TTC23: variants seen among roughly 807,000 people sequenced by gnomAD.
The protein encoded by TTC23 is tetratricopeptide repeat protein 23.
A neutral mutation model predicts 55.1 loss-of-function variants in TTC23; 58 were observed. The ratio of observed to expected loss-of-function variants is 1.05; its 90% CI spans 0.85 to 1.31. TTC23 has a LOEUF of 1.31. Ranked by LOEUF, TTC23 falls within the 50% of genes most tolerant of loss-of-function variation. The pLI is 0.00. For synonymous variants in TTC23, 203 were observed against 199.9 expected, an observed-to-expected ratio of 1.02 and a Z score of -0.13; for missense variants, 516 against 534.4, an observed-to-expected ratio of 0.97 and a Z score of 0.34.
chr15:99,196,432 GT>G (rs1304377963), intron 9 of TTC23, among the ~76,000 whole-genome samples: 1 of 152,086 alleles, frequency 6.6e-6, no homozygotes, highest in Non-Finnish European at 1.5e-5. Context: ...ACTACAAAAG[GT>G]TTTTGTATAA....
intron 9 of TTC23, among the ~76,000 whole-genome samples, chr15:99,180,397 C>T (rs2074003866): frequency 6.6e-6 from 1 of 151,742 alleles, no homozygotes; most frequent in African/African-American, 2.4e-5. Flanking sequence ...CAACCCCTGC[C>T]AAGGCACAGA....
At chr15:99,233,064 AT>A (rs1467194042) in intron 4 of TTC23, among the ~76,000 whole-genome samples, 2 of 152,232 alleles carry the variant, frequency 1.3e-5, no homozygotes, top group African/African-American at 2.4e-5. Flanking sequence ...GGTCTCATTC[AT>A]ATGTACAATC....
Position 99,182,285 on chromosome 15 carries a change from C to T in TTC23, c.760-7130G>A, listed in dbSNP as rs2074223629. Among the ~76,000 whole-genome samples, 3 of 149,980 alleles carry T rather than the reference C, an allele frequency of 2.0e-5. No homozygotes were observed. The South Asian group carries it at 6.3e-4, about 31-fold the overall frequency. ...ACACACACACACACACACACACACA[C>T]ACACATAATCATAACCCAGCCACGT... On this transcript the variant is annotated intron_variant, in intron 9 of 13. Coordinates refer to ENST00000394132, the MANE Select transcript of TTC23 (RefSeq NM_001288615.3).
In TTC23 at chr15:99,218,652, A is replaced by T. The variant is rs139126638; in HGVS notation, c.517T>A (p.Cys173Ser). 1.9e-4 allele frequency: 303 copies of T among 1,614,158 alleles called. No individual in the cohort carries two copies. The African/African-American group carries it at 3.4e-3, about 18-fold the overall frequency. ...AERLSKELLQ[C>S]GRIIKEEWIE... is the part of the protein sequence containing the mutation. ...CATTCTTCCTTTATAATTCTTCCACATTGTAGCAGCTCCTTTGAAAGTCTC... is the reference window on the plus strand; with the variant it reads ...CATTCTTCCTTTATAATTCTTCCACTTTGTAGCAGCTCCTTTGAAAGTCTC... Residue 173 changes from cysteine (C) to serine (S), a missense_variant, in exon 8 of 14, where the codon TGT becomes AGT. Physicochemically the swap from Cys to Ser is moderately radical, Grantham distance 112. Coordinates refer to ENST00000394132, the MANE Select transcript of TTC23 (RefSeq NM_001288615.3).
intron 5 of TTC23, among the ~76,000 whole-genome samples, chr15:99,222,898 G>A (rs1454956618): frequency 6.6e-6 from 1 of 152,200 alleles, no homozygotes; most frequent in East Asian, 1.9e-4. Flanking sequence ...TCGGGAGGCT[G>A]GGGCAGGAGA....
intron 8 of TTC23, among the ~76,000 whole-genome samples, chr15:99,212,609 T>C (rs1319470437): frequency 6.6e-6 from 1 of 152,134 alleles, no homozygotes; most frequent in African/African-American, 2.4e-5. Flanking sequence ...GGCACTTATC[T>C]GTCAGCCCAG....
chr15:99,156,734 A>G (rs983328741), intron 11 of TTC23, among the ~76,000 whole-genome samples: 1 of 152,240 alleles, frequency 6.6e-6, no homozygotes, highest in Non-Finnish European at 1.5e-5. Flanking sequence ...TATAGGAACT[A>G]TAATTCAAGA....
At chr15:99,179,938 T>C (rs371842739) in intron 9 of TTC23, among the ~76,000 whole-genome samples, 5 of 152,212 alleles carry the variant, frequency 3.3e-5, no homozygotes, top group African/African-American at 7.2e-5. Context: ...AACTCAACCA[T>C]TGTTCACAAT....
chr15:99,207,572 C>T (rs569140816), intron 8 of TTC23, among the ~76,000 whole-genome samples: 3 of 152,198 alleles, frequency 2.0e-5, no homozygotes, highest in Admixed American at 1.3e-4. Context: ...CCAGCCTGGC[C>T]ACGGTGAAAC....
chr15:99,144,737 T>C (rs1375052504), intron 12 of TTC23: 3 of 152,214 alleles, frequency 2.0e-5, no homozygotes, highest in Non-Finnish European at 4.4e-5. Flanking sequence ...AAGCTATTAC[T>C]TGTATTTTGT....
intron 9 of TTC23, among the ~76,000 whole-genome samples, chr15:99,198,974 T>C (rs552144968): frequency 1.3e-5 from 2 of 152,316 alleles, no homozygotes; most frequent in South Asian, 4.1e-4. Context: ...CTCACTATTA[T>C]GGTTAATTTT....
At chr15:99,238,930 A>C (rs775589992) in intron 3 of TTC23, among the ~76,000 whole-genome samples, 2 of 152,288 alleles carry the variant, frequency 1.3e-5, no homozygotes, top group South Asian at 4.1e-4. Flanking sequence ...CACCTATTAA[A>C]TCTTATGGAA....
At chr15:99,139,082 G>T in intron 13 of TTC23, 1 of 595,814 alleles carries the variant, frequency 1.7e-6, no homozygotes, top group Non-Finnish European at 3.0e-6. Context: ...TGGTCTGCAG[G>T]AAGACAACAT....
At chr15:99,149,584 G>A (rs538046585) in intron 12 of TTC23, among the ~76,000 whole-genome samples, 2 of 152,344 alleles carry the variant, frequency 1.3e-5, no homozygotes, top group African/African-American at 4.8e-5. Context: ...CAGAGACTCT[G>A]GTTCAGAAGG....
chr15:99,150,918 T>C (rs1670216), intron 12 of TTC23, among the ~76,000 whole-genome samples: 116,783 of 152,134 alleles, frequency 0.77, 44,973 homozygotes, highest in Middle Eastern at 0.83. Flanking sequence ...CTTTGCTGTC[T>C]TGCCTCTGAG....
At chr15:99,207,837 C>T (rs1435415605) in intron 8 of TTC23, among the ~76,000 whole-genome samples, 1 of 152,130 alleles carries the variant, frequency 6.6e-6, no homozygotes, top group East Asian at 1.9e-4. Context: ...CCTGAGGACG[C>T]TGAATAACAA....
chr15:99,214,893 T>C (rs1406168685), intron 8 of TTC23, among the ~76,000 whole-genome samples: 3 of 142,080 alleles, frequency 2.1e-5, no homozygotes, highest in Admixed American at 7.2e-5. Context: ...TTCTCTCTTG[T>C]TGCCCAGGCT....
At chr15:99,202,582 G>A (rs559952435) in intron 8 of TTC23, among the ~76,000 whole-genome samples, 1 of 152,176 alleles carries the variant, frequency 6.6e-6, no homozygotes, top group African/African-American at 2.4e-5. Context: ...GTGTTTGGGG[G>A]TTTGTTAATA....
At chr15:99,223,489 G>A (rs1474811882) in intron 5 of TTC23, among the ~76,000 whole-genome samples, 1 of 152,162 alleles carries the variant, frequency 6.6e-6, no homozygotes, top group Non-Finnish European at 1.5e-5. Flanking sequence ...AGGAGAGAGG[G>A]CTTTAGAATG....
Sources: allele counts gnomAD v4.1 joint callset (sites outside exome capture counted in the v4.1 genomes callset), GRCh38; gene constraint gnomAD v4.1.1; transcripts MANE v1.5; gene names NCBI Gene and HGNC (gene_info 2026-07-23, HGNC 2026-07-21).